TMPRSS3: variants seen among roughly 807,000 people sequenced by gnomAD.
The protein encoded by TMPRSS3 is transmembrane protease serine 3.
In TMPRSS3, 55 loss-of-function variants were observed where a neutral mutation model predicts 59.6. That is an observed-to-expected ratio of 0.92 (90% CI 0.74 to 1.16). The LOEUF (loss-of-function observed/expected upper bound fraction) is 1.16. Among genes scored for constraint, TMPRSS3 ranks in the 50% most tolerant of loss-of-function variants. TMPRSS3 has a pLI of 0.00. For synonymous variants in TMPRSS3, 257 were observed against 237.7 expected (o/e 1.08, Z -0.75); for missense variants, 596 against 579.4 (o/e 1.03, Z -0.29).
In TMPRSS3 at chr21:42,380,018, G is replaced by C. The variant is rs1450584021; in HGVS notation, c.1048+99C>G. On this transcript the variant is annotated intron_variant, in intron 10 of 12. Transcript: ENST00000644384. ...ACTCCCTGGCCGGGGTATCTGGGCAGCCCATGGGAACATCACAATGGGACA... is the reference window on the plus strand; with the variant it reads ...ACTCCCTGGCCGGGGTATCTGGGCACCCCATGGGAACATCACAATGGGACA... 1.7e-5 allele frequency: 17 copies of C among 998,272 alleles called. No individual in the cohort carries two copies. In the Admixed American group the frequency reaches 3.3e-4, roughly 20 times the overall value. The allele number at this position is 998,272 out of a possible 1,614,324, so 61.8% of individuals were successfully genotyped here. A position where few individuals can be genotyped will look rare whatever the true frequency, so the allele number is the denominator to read the frequency against.
rs140838491 is a variant in TMPRSS3, at chr21:42,372,351, G to T, written c.*411C>A. On this transcript the variant is annotated 3_prime_UTR_variant, in exon 13 of 13. Transcript: ENST00000644384. ...GAAGCAGGCACATCATTTGAGGTCA[G>T]GGGTTTGAGAGCAGCCTGGCCAACA... The T allele has an allele frequency of 1.9e-4, 85 of 457,776 alleles. 1 individual carries two copies. The East Asian group carries it at 5.4e-3, about 29-fold the overall frequency. 28.4% of individuals were successfully genotyped at this position (457,776 alleles called of 1,614,324 possible). A position where few individuals can be genotyped will look rare whatever the true frequency, so the allele number is the denominator to read the frequency against.
intron 10 of TMPRSS3, among the ~76,000 whole-genome samples, chr21:42,376,907 G>C (rs1242528182): frequency 2.0e-5 from 3 of 152,176 alleles, no homozygotes; most frequent in Non-Finnish European, 2.9e-5. Flanking sequence ...GTGGCCGCAA[G>C]GGGCCAGTCT....
chr21:42,375,650 T>A, intron 12 of TMPRSS3, 66 bp downstream of exon 12: 4 of 1,603,852 alleles, frequency 2.5e-6, no homozygotes, highest in Non-Finnish European at 3.4e-6. Flanking sequence ...AGACCAGGGT[T>A]GCATTTAAGG....
At position 42,382,166 on chromosome 21, in the gene TMPRSS3, G is replaced by A. The variant is rs371475934; in HGVS notation, c.851C>T (p.Ser284Phe). 1 of 1,614,200 alleles carries A rather than the reference G, an allele frequency of 6.2e-7. No homozygotes were observed. The highest frequency in any genetic ancestry group is 8.5e-7 in the Non-Finnish European group (1 of 1,180,030). ...LVSLLDNPAP[S>F]HLVEKIVYHS... ...GTAGACAATCTTCTCCACCAAGTGG[G>A]ATGGGGCTGGATTGTCCAACAGGGA... Residue 284 changes from serine to phenylalanine, a missense_variant, in exon 9 of 13, where the codon TCC (serine) becomes TTC (phenylalanine). By Grantham distance (155) the Ser-to-Phe change is radical. Transcript: ENST00000644384.
At chr21:42,380,722 A>T (rs1311690363) in intron 9 of TMPRSS3, among the ~76,000 whole-genome samples, 2 of 152,174 alleles carry the variant, frequency 1.3e-5, no homozygotes, top group East Asian at 3.9e-4. Context: ...GGTTCCTGGG[A>T]TATCTGGAGG....
Position 42,386,206 on chromosome 21 carries a change from T to C in TMPRSS3, c.447-672A>G, listed in dbSNP as rs1269537908. ...AGATGGTGAATAAACAGCCATGTTC[T>C]CCTTCCCTTGTGAAATGAACAAAAC... On this transcript the variant is annotated intron_variant, in intron 5 of 12. Coordinates refer to ENST00000644384, the MANE Select transcript of TMPRSS3 (RefSeq NM_001256317.3). Among the ~76,000 whole-genome samples the C allele has an allele frequency of 2.0e-5, 3 of 152,218 alleles. No homozygotes were observed. The East Asian group carries it at 5.8e-4, about 29-fold the overall frequency.
chr21:42,393,954 A>G (rs940010392), intron 2 of TMPRSS3, among the ~76,000 whole-genome samples: 1 of 152,252 alleles, frequency 6.6e-6, no homozygotes, highest in African/African-American at 2.4e-5. Flanking sequence ...GCTTCAAAAT[A>G]ATACAAATAG....
At chr21:42,379,585 C>A (rs2052486052) in intron 10 of TMPRSS3, among the ~76,000 whole-genome samples, 1 of 152,160 alleles carries the variant, frequency 6.6e-6, no homozygotes, top group African/African-American at 2.4e-5. Context: ...ATGACCAGCT[C>A]TGTACCCACA....
chr21:42,383,932 T>C, intron 7 of TMPRSS3, 38 bp downstream of exon 7: 1 of 1,611,972 alleles, frequency 6.2e-7, no homozygotes, highest in Non-Finnish European at 8.5e-7. Flanking sequence ...TAGCATGTGC[T>C]TGCTCCCCCT....
chr21:42,395,276 A>T, intron 2 of TMPRSS3, 48 bp downstream of exon 2: 2 of 1,512,670 alleles, frequency 1.3e-6, no homozygotes, highest in Non-Finnish European at 1.8e-6. Flanking sequence ...GGTCACCTAC[A>T]TGAGGGTATG....
chr21:42,385,317 C>T (rs2052615364), intron 6 of TMPRSS3, 92 bp downstream of exon 6: 2 of 1,552,970 alleles, frequency 1.3e-6, no homozygotes, highest in African/African-American at 2.7e-5. Flanking sequence ...CACATGCATG[C>T]CTCTTAAGTC....
intron 11 of TMPRSS3, among the ~76,000 whole-genome samples, chr21:42,376,324 G>A (rs970258674): frequency 2.1e-4 from 32 of 152,202 alleles, no homozygotes; most frequent in African/African-American, 7.5e-4. Flanking sequence ...GAGGGGAGCA[G>A]CATGAGTCCC....
chr21:42,375,870 T>A lies in TMPRSS3; in HGVS notation c.1192-2A>T. 1 of 1,613,488 alleles carries A rather than the reference T, an allele frequency of 6.2e-7. No individual in the cohort carries two copies. The highest frequency in any genetic ancestry group is 8.5e-7 in the Non-Finnish European group (1 of 1,179,970). On this transcript the variant is annotated splice_acceptor_variant, in intron 11 of 12. Coordinates refer to ENST00000644384, the MANE Select transcript of TMPRSS3 (RefSeq NM_001256317.3). LOFTEE classifies it high-confidence loss of function. ...CACCAGGGGCCCCCCGCTGTCCCCC[T>A]GGGTGACAGGAAAGAAGCAAAGATT...
intron 11 of TMPRSS3, 89 bp downstream of exon 11, chr21:42,376,452 T>C: frequency 6.4e-7 from 1 of 1,574,574 alleles, no homozygotes; most frequent in Non-Finnish European, 8.6e-7. Context: ...AATTTACTTT[T>C]TGTCCTGTCA....
At chr21:42,384,332 C>T (rs543813544) in intron 6 of TMPRSS3, among the ~76,000 whole-genome samples, 6 of 152,254 alleles carry the variant, frequency 3.9e-5, no homozygotes, top group Admixed American at 2.6e-4. Flanking sequence ...CATTGCATGG[C>T]GATTCAGCCC....
chr21:42,395,269 C>A (rs2052787539), intron 2 of TMPRSS3, 55 bp downstream of exon 2: 4 of 1,456,026 alleles, frequency 2.7e-6, no homozygotes, highest in South Asian at 1.1e-5. Context: ...TCACATTGGT[C>A]ACCTACATGA....
At chr21:42,379,582 G>T (rs1813105390) in intron 10 of TMPRSS3, among the ~76,000 whole-genome samples, 1 of 152,134 alleles carries the variant, frequency 6.6e-6, no homozygotes, top group Non-Finnish European at 1.5e-5. Flanking sequence ...CTCATGACCA[G>T]CTCTGTACCC....
chr21:42,391,386 G>A (rs757864594), intron 2 of TMPRSS3, among the ~76,000 whole-genome samples: 5 of 152,142 alleles, frequency 3.3e-5, no homozygotes, highest in Non-Finnish European at 7.4e-5. Flanking sequence ...CAATTGCTGT[G>A]CACAGACACT....
rs2052568790 is a variant in TMPRSS3, at chr21:42,383,346, G to C, written c.617-148C>G. ...CAGCTCTAAGACAAGTGCTGCAAGG[G>C]GGAGCTCAGCAGGGGAGGTGGTCAG... On this transcript the variant is annotated intron_variant, in intron 7 of 12. Coordinates refer to ENST00000644384, the MANE Select transcript of TMPRSS3 (RefSeq NM_001256317.3). 3.2e-5 allele frequency: 27 copies of C among 840,412 alleles called. No individual in the cohort carries two copies. In the South Asian group the frequency reaches 4.0e-4, roughly 12 times the overall value. The allele number at this position is 840,412 out of a possible 1,614,324, so 52.1% of individuals were successfully genotyped here. A position where few individuals can be genotyped will look rare whatever the true frequency, so the allele number is the denominator to read the frequency against.
Sources: allele counts gnomAD v4.1 joint callset (sites outside exome capture counted in the v4.1 genomes callset), GRCh38; gene constraint gnomAD v4.1.1; transcripts MANE v1.5; gene names NCBI Gene and HGNC (gene_info 2026-07-23, HGNC 2026-07-21).